The following KCNIP1 variants were observed in gnomAD, a reference collection of about 807,000 sequenced individuals.
The protein encoded by KCNIP1 is A-type potassium channel modulatory protein KCNIP1.
In KCNIP1, 18 loss-of-function variants were observed where a neutral mutation model predicts 33.0. The ratio of observed to expected loss-of-function variants is 0.55; its 90% CI spans 0.38 to 0.81. KCNIP1 has a LOEUF of 0.81. Ranked by LOEUF, KCNIP1 falls within the 30% of genes least tolerant of loss-of-function variation. KCNIP1 has a pLI of 0.00. For missense variants in KCNIP1, 238 were observed against 271.6 expected, an observed-to-expected ratio of 0.88 and a Z score of 0.87; for synonymous variants, 93 against 98.3, an observed-to-expected ratio of 0.95 and a Z score of 0.32.
chr5:170,491,654 A>G (rs1757209581), intron 1 of KCNIP1, among the ~76,000 whole-genome samples: 1 of 152,206 alleles, frequency 6.6e-6, no homozygotes. Context: ...AAGAAGGAAC[A>G]TTTTTGGACA....
At chr5:170,583,301 G>A (rs1346522501) in intron 1 of KCNIP1, among the ~76,000 whole-genome samples, 1 of 152,144 alleles carries the variant, frequency 6.6e-6, no homozygotes, top group East Asian at 1.9e-4. Context: ...TATCCTCCAA[G>A]TACATGATAT....
chr5:170,377,016 C>T (rs1196910736), intron 1 of KCNIP1: 1 of 152,162 alleles, frequency 6.6e-6, no homozygotes, highest in Non-Finnish European at 1.5e-5. Flanking sequence ...AACTAAGAAT[C>T]AAAGAGATGA....
At chr5:170,353,766 TC>T in exon 1 of KCNIP1, 1 of 920,016 alleles carries the variant, frequency 1.1e-6, no homozygotes, top group Non-Finnish European at 1.7e-6. Context: ...CAGGGGTGCA[TC>T]CGTCACTCAG....
intron 1 of KCNIP1, among the ~76,000 whole-genome samples, chr5:170,537,455 CTGTCATACA>C (rs1458118103): frequency 6.6e-6 from 1 of 152,218 alleles, no homozygotes; most frequent in Non-Finnish European, 1.5e-5. Context: ...GTTTCTCCAC[CTGTCATACA>C]GGCAGGAGTA....
At chr5:170,503,723 A>AAC (rs1561655178), upstream of KCNIP1, among the ~76,000 whole-genome samples, 2 of 72,254 alleles carry the variant, frequency 2.8e-5, no homozygotes, top group Admixed American at 1.5e-4. Context: ...ACGCACGCAC[A>AAC]TCACACACAC....
rs185299185 is a variant in KCNIP1 at position 170,452,814 on chromosome 5, G to A, written c.88+98850G>A. Among the ~76,000 whole-genome samples, 61 of 152,246 alleles carry A rather than the reference G, an allele frequency of 4.0e-4. 1 individual carries two copies. In the East Asian group the frequency reaches 0.011, roughly 27 times the overall value. On this transcript the variant is annotated intron_variant, in intron 1 of 7. Transcript: ENST00000377360. Reference sequence around the variant, plus strand: ...TTCTGAAAACCAGGAATTCAAATGAGGCGACAACAGAGGAAACAGCGTGAT... The same window carrying A: ...TTCTGAAAACCAGGAATTCAAATGAAGCGACAACAGAGGAAACAGCGTGAT...
At chr5:170,659,200 C>T (rs1398947541) in intron 1 of KCNIP1, among the ~76,000 whole-genome samples, 4 of 152,070 alleles carry the variant, frequency 2.6e-5, no homozygotes, top group Non-Finnish European at 5.9e-5. Flanking sequence ...GTCCCAAGAG[C>T]CTTTGGAAAG....
intron 1 of KCNIP1, among the ~76,000 whole-genome samples, chr5:170,429,940 T>A (rs1006761020): frequency 2.0e-5 from 3 of 152,224 alleles, no homozygotes; most frequent in Admixed American, 2.0e-4. Flanking sequence ...CACAAATCCA[T>A]GAGGTAGACC....
chr5:170,704,971 G>T (rs1763209324), intron 1 of KCNIP1, among the ~76,000 whole-genome samples: 1 of 152,070 alleles, frequency 6.6e-6, no homozygotes, highest in Admixed American at 6.6e-5. Flanking sequence ...TTCACTGATT[G>T]CTCCCGGGCT....
At chr5:170,539,035 A>G (rs970207684) in intron 1 of KCNIP1, among the ~76,000 whole-genome samples, 1 of 151,804 alleles carries the variant, frequency 6.6e-6, no homozygotes, top group African/African-American at 2.4e-5. Flanking sequence ...ATCCATATGC[A>G]ATCTGCAGGT....
At chr5:170,623,546 A>G (rs970925276) in intron 1 of KCNIP1, among the ~76,000 whole-genome samples, 2 of 152,040 alleles carry the variant, frequency 1.3e-5, no homozygotes, top group African/African-American at 4.8e-5. Flanking sequence ...CCAGCCTGTG[A>G]TACTTTGTTA....
intron 1 of KCNIP1, among the ~76,000 whole-genome samples, chr5:170,622,622 C>CAA (rs371896008): frequency 0.013 from 1,393 of 103,678 alleles, 32 homozygotes; most frequent in South Asian, 0.026. Context: ...GACTCTGTCT[C>CAA]AAAAAAAAAA....
At chr5:170,444,342 G>C (rs950165707) in intron 1 of KCNIP1, among the ~76,000 whole-genome samples, 1 of 152,228 alleles carries the variant, frequency 6.6e-6, no homozygotes, top group African/African-American at 2.4e-5. Context: ...GCAGTGTTGG[G>C]CCGAGTCTTT....
At position 170,659,998 on chromosome 5, in the gene KCNIP1, C is replaced by T. The variant is rs185439977; in HGVS notation, c.62-58760C>T. 6.8e-3 allele frequency among the ~76,000 whole-genome samples: 1,039 copies of T among 152,190 alleles called. 8 individuals are homozygous for T. Among genetic ancestry groups the T allele is most frequent in the South Asian group, 0.035 (168 of 4,816 alleles). On this transcript the variant is annotated intron_variant, in intron 1 of 7. Coordinates refer to ENST00000328939, the MANE Select transcript of KCNIP1 (RefSeq NM_014592.4). ...CCTTAGGCACATTAGCCCATCTAAC[C>T]GTTTCCATGGCCCACAGAGGTGGGA...
intron 1 of KCNIP1, among the ~76,000 whole-genome samples, chr5:170,546,771 T>C (rs1194704702): frequency 3.9e-5 from 6 of 152,206 alleles, no homozygotes; most frequent in Non-Finnish European, 8.8e-5. Flanking sequence ...CTTGTTATTT[T>C]TAAGTCAACA....
At chr5:170,431,621 A>G (rs1209189780) in intron 1 of KCNIP1, among the ~76,000 whole-genome samples, 2 of 152,184 alleles carry the variant, frequency 1.3e-5, no homozygotes, top group African/African-American at 2.4e-5. Context: ...AGATCTCCCA[A>G]ATGGATCCAA....
intron 1 of KCNIP1, among the ~76,000 whole-genome samples, chr5:170,679,662 T>TG (rs1561760114): frequency 6.6e-6 from 1 of 151,072 alleles, no homozygotes; most frequent in Non-Finnish European, 1.5e-5. Context: ...TGTGTGTGTG[T>TG]TCCTTTCCAA....
intron 1 of KCNIP1, among the ~76,000 whole-genome samples, chr5:170,613,756 T>A (rs940236771): frequency 1.3e-5 from 2 of 152,040 alleles, no homozygotes; most frequent in African/African-American, 4.8e-5. Flanking sequence ...TATAAAGAAG[T>A]GTCAGAAAAA....
rs56397746 is a variant in KCNIP1, at chr5:170,580,628, A to T, written c.61+75995A>T. Among the ~76,000 whole-genome samples, 545 of 152,286 alleles carry T rather than the reference A, an allele frequency of 3.6e-3. 3 individuals are homozygous for T. The highest frequency in any genetic ancestry group is 6.8e-3 in the Non-Finnish European group (463 of 68,020). ...CACGCTGGGCATATTCAGGGGACGG[A>T]TACTCAGAACTATATAACATAAGGA... On this transcript the variant is annotated intron_variant, in intron 1 of 7. Transcript: ENST00000328939.
Sources: gnomAD v4.1 joint callset for allele counts (sites outside exome capture counted in the v4.1 genomes callset) on GRCh38, gnomAD v4.1.1 for gene constraint, MANE v1.5 for transcripts, NCBI Gene and HGNC (gene_info 2026-07-23, HGNC 2026-07-21) for gene names.